CDKL4: variants seen among roughly 807,000 people sequenced by gnomAD.
CDKL4 encodes the protein cyclin dependent kinase like 4.
CDKL4 carries 44 observed loss-of-function variants against 42.0 expected under a neutral mutation model. That is an observed-to-expected ratio of 1.05 (90% CI 0.82 to 1.35). The LOEUF (loss-of-function observed/expected upper bound fraction) is 1.35. CDKL4 is among the 40% of genes most tolerant of loss of function. The pLI, the probability that CDKL4 is intolerant of heterozygous loss-of-function variation, is 0.00. For synonymous variants in CDKL4, 120 were observed against 121.6 expected, an observed-to-expected ratio of 0.99 and a Z score of 0.09; for missense variants, 393 against 369.9, an observed-to-expected ratio of 1.06 and a Z score of -0.51.
At chr2:39,245,784 CTTGT>C (rs1384934032), upstream of CDKL4, among the ~76,000 whole-genome samples, 22 of 152,358 alleles carry the variant, frequency 1.4e-4, no homozygotes, top group African/African-American at 1.4e-4. Context: ...ACTTTTCGGT[CTTGT>C]TTAATTATCC....
At chr2:39,196,251 C>T (rs1030771818) in intron 5 of CDKL4, among the ~76,000 whole-genome samples, 1 of 152,186 alleles carries the variant, frequency 6.6e-6, no homozygotes, top group Non-Finnish European at 1.5e-5. Context: ...AACCAAGGAC[C>T]CTCATAGAGT....
intron 8 of CDKL4, among the ~76,000 whole-genome samples, chr2:39,179,526 T>G (rs942999650): frequency 2.0e-5 from 3 of 152,248 alleles, no homozygotes; most frequent in African/African-American, 7.2e-5. Context: ...AATGAATGGA[T>G]GGTCAGTGTC....
intron 5 of CDKL4, among the ~76,000 whole-genome samples, chr2:39,201,304 T>TAA (rs139925872): frequency 0.019 from 2,820 of 145,180 alleles, 68 homozygotes; most frequent in African/African-American, 0.056. Flanking sequence ...ACCAAAAAAA[T>TAA]AAAAAAAAAA....
exon 6 of CDKL4, chr2:39,190,410 C>G (rs139561238): frequency 6.2e-7 from 1 of 1,613,974 alleles, no homozygotes. Context: ...GCCCATATAT[C>G]GACTGAAGAA....
the CDKL4 span, among the ~76,000 whole-genome samples, chr2:39,168,533 C>T: frequency 1.3e-5 from 2 of 151,944 alleles, no homozygotes; most frequent in African/African-American, 4.8e-5. Context: ...GTCAGGAGTT[C>T]AAGACCAGCC....
intron 9 of CDKL4, among the ~76,000 whole-genome samples, chr2:39,177,850 G>A (rs568743824): frequency 1.8e-3 from 280 of 151,422 alleles, no homozygotes; most frequent in Non-Finnish European, 2.3e-3. Flanking sequence ...CACCACACCC[G>A]GCTAATTTTT....
At chr2:39,192,345 C>T (rs1368833508) in intron 5 of CDKL4, among the ~76,000 whole-genome samples, 1 of 152,028 alleles carries the variant, frequency 6.6e-6, no homozygotes, top group African/African-American at 2.4e-5. Flanking sequence ...GAGTCTTTTT[C>T]TTATTTACAG....
intron 9 of CDKL4, chr2:39,178,492 G>C: frequency 7.0e-7 from 1 of 1,419,454 alleles, no homozygotes; most frequent in Non-Finnish European, 9.7e-7. Context: ...TTTAGGTGCC[G>C]GGTTTACAAG....
chr2:39,235,283 C>T (rs1679310421), intron 1 of CDKL4, among the ~76,000 whole-genome samples: 1 of 152,030 alleles, frequency 6.6e-6, no homozygotes, highest in East Asian at 1.9e-4. Context: ...GGAAAAATTT[C>T]AGCAAAAGGA....
intron 9 of CDKL4, among the ~76,000 whole-genome samples, chr2:39,177,339 G>C (rs1054220042): frequency 6.6e-6 from 1 of 152,072 alleles, no homozygotes; most frequent in Non-Finnish European, 1.5e-5. Flanking sequence ...GGGGGACCAG[G>C]AGTCCAGCTG....
chr2:39,239,695 T>C, intron 1 of CDKL4, among the ~76,000 whole-genome samples: 1 of 152,206 alleles, frequency 6.6e-6, no homozygotes, highest in East Asian at 1.9e-4. Context: ...AGACTGACAA[T>C]ATCAAGTGTT....
intron 3 of CDKL4, among the ~76,000 whole-genome samples, chr2:39,214,363 T>G (rs1271004827): frequency 4.6e-5 from 7 of 152,192 alleles, no homozygotes; most frequent in African/African-American, 1.7e-4. Context: ...CCCTGACCAC[T>G]TTGAGAATTT....
At chr2:39,186,732 A>T (rs1398014478) in intron 7 of CDKL4, among the ~76,000 whole-genome samples, 3 of 152,126 alleles carry the variant, frequency 2.0e-5, no homozygotes, top group African/African-American at 7.2e-5. Context: ...TTACAAGCCG[A>T]AAAAATTTTA....
chr2:39,236,230 GA>G (rs1446589832), intron 1 of CDKL4, among the ~76,000 whole-genome samples: 1 of 147,458 alleles, frequency 6.8e-6, no homozygotes, highest in Non-Finnish European at 1.5e-5. Flanking sequence ...ACAGAAGAAA[GA>G]ATCAGTAAAA....
chr2:39,229,817 C>T (rs1161297989), intron 1 of CDKL4, among the ~76,000 whole-genome samples: 5 of 152,206 alleles, frequency 3.3e-5, no homozygotes, highest in Non-Finnish European at 7.3e-5. Flanking sequence ...ATGTTGACCT[C>T]AGTTGAACTA....
At chr2:39,196,828 G>A (rs1001194491) in intron 5 of CDKL4, among the ~76,000 whole-genome samples, 6 of 152,100 alleles carry the variant, frequency 3.9e-5, no homozygotes, top group Non-Finnish European at 8.8e-5. Context: ...GGCTGGTCTC[G>A]AACTCCTGAC....
intron 4 of CDKL4, among the ~76,000 whole-genome samples, chr2:39,210,970 C>G (rs1258440060): frequency 1.3e-5 from 2 of 152,198 alleles, no homozygotes. Context: ...TTCTCATGAT[C>G]TTGTACTTTC....
chr2:39,206,173 C>T (rs1170469954), intron 4 of CDKL4, among the ~76,000 whole-genome samples: 1 of 152,078 alleles, frequency 6.6e-6, no homozygotes, highest in Non-Finnish European at 1.5e-5. Flanking sequence ...CCTGCCTCAG[C>T]CTCCCGAGTG....
At chr2:39,229,633 A>G (rs188184912) in intron 1 of CDKL4, 45 bp from the exon 2 acceptor site, 65 of 912,324 alleles carry the variant, frequency 7.1e-5, no homozygotes, top group Admixed American at 2.8e-4. Flanking sequence ...ATAAAAGACA[A>G]TGTTCTCACA....
Sources: allele counts gnomAD v4.1 joint callset (sites outside exome capture counted in the v4.1 genomes callset), GRCh38; gene constraint gnomAD v4.1.1; transcripts MANE v1.5; gene names NCBI Gene and HGNC (gene_info 2026-07-23, HGNC 2026-07-21).